The following ESRRG variants were observed in gnomAD, a reference collection of about 807,000 sequenced individuals.
ESRRG encodes estrogen-related receptor gamma.
A neutral mutation model predicts 44.0 loss-of-function variants in ESRRG; 13 were observed. The observed-to-expected ratio is 0.30, with a 90% CI of 0.19 to 0.47. The LOEUF (loss-of-function observed/expected upper bound fraction) is 0.47, where lower values mean the gene tolerates loss of function less well. Among genes scored for constraint, ESRRG ranks in the 20% least tolerant of loss-of-function variants. The pLI, the probability that ESRRG is intolerant of heterozygous loss-of-function variation, is 1.00. For synonymous variants in ESRRG, 215 were observed against 214.6 expected, an observed-to-expected ratio of 1.00 and a Z score of -0.02; for missense variants, 395 against 580.6, an observed-to-expected ratio of 0.68 and a Z score of 3.29.
chr1:217,088,429 G>A (rs1433242237), intron 1 of ESRRG, among the ~76,000 whole-genome samples: 1 of 86,426 alleles, frequency 1.2e-5, no homozygotes, highest in Non-Finnish European at 2.0e-5. Flanking sequence ...TTTTTTTTGA[G>A]AGAGAGAGAG....
intron 2 of ESRRG, among the ~76,000 whole-genome samples, chr1:216,908,600 G>A (rs932314398): frequency 3.3e-5 from 5 of 152,074 alleles, no homozygotes; most frequent in African/African-American, 1.2e-4. Flanking sequence ...ATTTTCAGAG[G>A]TTTTAGATTA....
At chr1:217,103,104 T>C (rs1301450792) in intron 1 of ESRRG, among the ~76,000 whole-genome samples, 2 of 152,126 alleles carry the variant, frequency 1.3e-5, no homozygotes, top group African/African-American at 4.8e-5. Flanking sequence ...AGGCTTGGAT[T>C]GGAGATTTGT....
rs78055728 is a variant in ESRRG, at chr1:216,749,806, T to C, written c.-13-72315A>G. 3.0e-3 allele frequency among the ~76,000 whole-genome samples: 462 copies of C among 152,300 alleles called. 3 individuals carry two copies. The highest frequency in any genetic ancestry group is 0.011 in the African/African-American group (448 of 41,570). ...ATCAGCATTTTTCTACCTAAGTTAG[T>C]CAAATGCTAATTGGCAAATAGAGGT... is the stretch of plus-strand genomic sequence containing the variant. On this transcript the variant is annotated intron_variant, in intron 2 of 7. Transcript: ENST00000359162.
intron 3 of ESRRG, among the ~76,000 whole-genome samples, chr1:216,638,775 G>T (rs1371777796): frequency 6.6e-6 from 1 of 152,172 alleles, no homozygotes; most frequent in Non-Finnish European, 1.5e-5. Flanking sequence ...GATGAGTCAA[G>T]GATGAGTGAA....
intron 1 of ESRRG, among the ~76,000 whole-genome samples, chr1:217,002,104 C>T (rs919832600): frequency 2.0e-5 from 3 of 151,660 alleles, no homozygotes; most frequent in Non-Finnish European, 4.4e-5. Context: ...AAATTTGAGA[C>T]CAGCCTGGTC....
chr1:217,115,863 T>C (rs10863298), intron 1 of ESRRG, among the ~76,000 whole-genome samples: 88,201 of 151,890 alleles, frequency 0.58, 26,206 homozygotes, highest in African/African-American at 0.69. Context: ...ACAAGAGCCC[T>C]GGGGCTTTTG....
chr1:216,685,790 A>T lies in ESRRG; in HGVS notation c.57-8299T>A, dbSNP rs77106845. On this transcript the variant is annotated intron_variant, in intron 1 of 6. Transcript: ENST00000408911. ...TAAGGATATGGAGATCACAGTATTG[A>T]TGTCATTCTTTACTCATTAAGATAA... Among the ~76,000 whole-genome samples the T allele has an allele frequency of 8.2e-3, 1,243 of 152,324 alleles. 16 individuals are homozygous for T. Among genetic ancestry groups the T allele is most frequent in the African/African-American group, 0.029 (1,196 of 41,580 alleles).
intron 2 of ESRRG, among the ~76,000 whole-genome samples, chr1:216,740,580 A>G (rs188563687): frequency 1.3e-5 from 2 of 151,948 alleles, no homozygotes; most frequent in South Asian, 2.1e-4. Flanking sequence ...TTTTTGTTCA[A>G]TTTTGGACGA....
At chr1:216,916,627 C>T (rs1359471667) in intron 2 of ESRRG, among the ~76,000 whole-genome samples, 2 of 152,082 alleles carry the variant, frequency 1.3e-5, no homozygotes, top group African/African-American at 4.8e-5. Flanking sequence ...TCCTCTTTTC[C>T]TCTAAAGTAC....
intron 2 of ESRRG, among the ~76,000 whole-genome samples, chr1:216,775,604 C>G (rs764476354): frequency 8.3e-6 from 1 of 120,326 alleles, no homozygotes; most frequent in Non-Finnish European, 1.7e-5. Context: ...GACAGCGTCT[C>G]ACGCTGTCGC....
chr1:217,039,809 T>A (rs1314218139), intron 1 of ESRRG, among the ~76,000 whole-genome samples: 1 of 152,230 alleles, frequency 6.6e-6, no homozygotes, highest in Non-Finnish European at 1.5e-5. Context: ...CTCATTATGT[T>A]CTGTTCATCC....
At chr1:216,783,293 A>G (rs2094001275) in intron 2 of ESRRG, among the ~76,000 whole-genome samples, 1 of 152,060 alleles carries the variant, frequency 6.6e-6, no homozygotes. Context: ...TGTCTGAGAA[A>G]AAGGACTAAT....
chr1:217,066,239 A>G (rs1019393012), intron 1 of ESRRG, among the ~76,000 whole-genome samples: 2 of 149,204 alleles, frequency 1.3e-5, no homozygotes, highest in Non-Finnish European at 3.0e-5. Context: ...CCATGGGGAG[A>G]ATTCCTTTTT....
At chr1:216,726,150 A>G (rs959157932), upstream of ESRRG, among the ~76,000 whole-genome samples, 8 of 152,132 alleles carry the variant, frequency 5.3e-5, no homozygotes, top group African/African-American at 1.9e-4. Context: ...TTTTTCACTA[A>G]CCATATTTCA....
intron 3 of ESRRG, among the ~76,000 whole-genome samples, chr1:216,635,738 A>G (rs1204424623): frequency 6.6e-6 from 1 of 152,174 alleles, no homozygotes; most frequent in African/African-American, 2.4e-5. Flanking sequence ...GTCTTGGGCC[A>G]GAGTCACACA....
At chr1:216,716,785 C>T (rs1310595066) in intron 1 of ESRRG, among the ~76,000 whole-genome samples, 1 of 151,784 alleles carries the variant, frequency 6.6e-6, no homozygotes, top group Non-Finnish European at 1.5e-5. Context: ...AATGCCAAAA[C>T]CAAGTGTTTT....
chr1:216,957,749 C>T (rs938045304), intron 1 of ESRRG, among the ~76,000 whole-genome samples: 1 of 152,194 alleles, frequency 6.6e-6, no homozygotes, highest in Non-Finnish European at 1.5e-5. Flanking sequence ...AGGCAAGCCA[C>T]AGTGACATGC....
At chr1:216,858,487 C>A (rs550946029) in intron 2 of ESRRG, among the ~76,000 whole-genome samples, 1 of 130,064 alleles carries the variant, frequency 7.7e-6, no homozygotes, top group East Asian at 2.1e-4. Context: ...AGTTGTTGTA[C>A]GACCTCACTA....
chr1:216,770,723 C>T (rs893136088), intron 2 of ESRRG, among the ~76,000 whole-genome samples: 1 of 152,082 alleles, frequency 6.6e-6, no homozygotes. Context: ...ACAAAAAATA[C>T]TTGATTCATT....
Sources: allele counts gnomAD v4.1 joint callset (sites outside exome capture counted in the v4.1 genomes callset), GRCh38; gene constraint gnomAD v4.1.1; transcripts MANE v1.5; gene names NCBI Gene and HGNC (gene_info 2026-07-23, HGNC 2026-07-21).